The following AMY2B variants were observed in gnomAD, a reference collection of about 807,000 sequenced individuals.
AMY2B encodes the protein amylase alpha 2B.
A neutral mutation model predicts 59.3 loss-of-function variants in AMY2B; 63 were observed. That is an observed-to-expected ratio of 1.06 (90% CI 0.87 to 1.31). The LOEUF is 1.31. Among genes scored for constraint, AMY2B ranks in the 50% most tolerant of loss-of-function variants. The pLI is 0.00. For synonymous variants in AMY2B, 180 were observed against 198.1 expected, an observed-to-expected ratio of 0.91 and a Z score of 0.77; for missense variants, 635 against 626.7, an observed-to-expected ratio of 1.01 and a Z score of -0.14.
rs1444956770 is a variant in AMY2B, at chr1:103,577,732, T to A, written c.1233T>A (p.Asn411Lys). The A allele has an allele frequency of 1.2e-6, 2 of 1,611,486 alleles. No homozygotes were observed. The highest frequency in any genetic ancestry group is 1.7e-6 in the Non-Finnish European group (2 of 1,179,792). ...HRWRQIRNMV[N>K]FRNVVDGQPF... The stretch of plus-strand genomic sequence containing the variant: ...ATTGTGTTTTTAGGAACATGGTTAA[T>A]TTCCGCAATGTAGTGGATGGCCAGC... The change falls in exon 9 of 10, where the codon AAT becomes AAA. Residue 411 changes from asparagine to lysine, a missense_variant. Transcript: ENST00000684275.
intron 1 of AMY2B, among the ~76,000 whole-genome samples, chr1:103,556,811 A>C (rs1354303312): frequency 6.6e-6 from 1 of 152,002 alleles, no homozygotes; most frequent in Non-Finnish European, 1.5e-5. Flanking sequence ...TGCTTTTTGT[A>C]ATTATTTTAT....
At position 103,579,375 on chromosome 1, in the gene AMY2B, G is replaced by C. The variant is rs1652484724; in HGVS notation, c.1411G>C (p.Asp471His). ...AGTYCDVISG[D>H]KINGNCTGIK... ...CACATACTGTGATGTCATTTCTGGA[G>C]ATAAAATTAATGGCAATTGCACAGG... The change falls in exon 10 of 10, where the codon GAT (aspartate) becomes CAT (histidine). Residue 471 changes from aspartate (D) to histidine (H), a missense_variant. Physicochemically the swap from Asp to His is moderately conservative, Grantham distance 81 (BLOSUM62 -1). Transcript: ENST00000684275. 6.2e-7 allele frequency: 1 copy of C among 1,611,616 alleles called. No individual in the cohort carries two copies. Among genetic ancestry groups the C allele is most frequent in the Non-Finnish European group, 8.5e-7 (1 of 1,179,716 alleles).
At chr1:103,558,405 T>A (rs550288391) in intron 1 of AMY2B, among the ~76,000 whole-genome samples, 6 of 152,270 alleles carry the variant, frequency 3.9e-5, no homozygotes, top group African/African-American at 1.4e-4. Context: ...TTTTCATATT[T>A]CCATTAGGAT....
intron 3 of AMY2B, 50 bp from the exon 4 acceptor site, chr1:103,573,658 T>C (rs142643546): frequency 6.2e-7 from 1 of 1,607,632 alleles, no homozygotes; most frequent in East Asian, 2.2e-5. Flanking sequence ...TGGATTCTCA[T>C]GTGAAAAATG....
intron 4 of AMY2B, 142 bp downstream of exon 4, chr1:103,574,080 C>G (rs1652247878): frequency 6.6e-7 from 1 of 1,508,294 alleles, no homozygotes; most frequent in African/African-American, 1.4e-5. Flanking sequence ...TCTTCACATA[C>G]AGCATATCTA....
At chr1:103,576,353 GCTTTAA>G (rs1230476280) in intron 7 of AMY2B, among the ~76,000 whole-genome samples, 1 of 152,094 alleles carries the variant, frequency 6.6e-6, no homozygotes, top group African/African-American at 2.4e-5. Context: ...TTGTTAAACA[GCTTTAA>G]TATTTAGGTG....
At chr1:103,570,525 A>G (rs138520891), upstream of AMY2B, 5,141 of 617,854 alleles carry the variant, frequency 8.3e-3, 37 homozygotes, top group South Asian at 0.017. Context: ...CACCATGAAG[A>G]TCAAGATGAT....
chr1:103,557,936 A>C (rs1306047912), intron 1 of AMY2B, among the ~76,000 whole-genome samples: 1 of 152,192 alleles, frequency 6.6e-6, no homozygotes, highest in East Asian at 1.9e-4. Context: ...TGGAGGTGAG[A>C]AGCTCTATAT....
intron 1 of AMY2B, among the ~76,000 whole-genome samples, chr1:103,560,319 T>C (rs898312733): frequency 6.6e-6 from 1 of 152,170 alleles, no homozygotes; most frequent in Non-Finnish European, 1.5e-5. Context: ...TCAAACATTT[T>C]TAATTATAAA....
intron 4 of AMY2B, 131 bp downstream of exon 4, chr1:103,574,069 C>CTCT: frequency 1.3e-6 from 2 of 1,532,460 alleles, no homozygotes; most frequent in Non-Finnish European, 1.8e-6. Flanking sequence ...CTTTAACCTC[C>CTCT]TCTTCACATA....
rs766121724 is a variant in AMY2B at position 103,575,560 on chromosome 1, A to C, written c.1101+20A>C. On this transcript the variant is annotated intron_variant, in intron 7 of 9. Transcript: ENST00000684275. The stretch of plus-strand genomic sequence containing the variant: ...GGAAACGTAAGTTTTGAAATTGTTC[A>C]AACTATCCTTTTCTCAAGAAACAGA... 6 of 1,612,208 alleles carry C rather than the reference A, an allele frequency of 3.7e-6. No individual in the cohort carries two copies. In the East Asian group the frequency reaches 1.3e-4, roughly 36 times the overall value.
Position 103,579,409 on chromosome 1 carries a change from T to A in AMY2B, c.1445T>A (p.Ile482Asn). The A allele has an allele frequency of 5.6e-6, 9 of 1,611,840 alleles. No individual in the cohort carries two copies. Among genetic ancestry groups the A allele is most frequent in the Non-Finnish European group, 7.6e-6 (9 of 1,179,734 alleles). The change falls in exon 10 of 10, where the codon ATC (isoleucine) becomes AAC (asparagine). Residue 482 changes from isoleucine to asparagine, a missense_variant. By Grantham distance (149) the Ile-to-Asn change is moderately radical (BLOSUM62 -3). Coordinates refer to ENST00000684275, the MANE Select transcript of AMY2B (RefSeq NM_001387437.1). ...AATGGCAATTGCACAGGCATTAAAATCTACGTTTCTGACGATGGCAAAGCT... is the reference window on the plus strand; with the variant it reads ...AATGGCAATTGCACAGGCATTAAAAACTACGTTTCTGACGATGGCAAAGCT... Reference protein sequence around the residue: ...KINGNCTGIKIYVSDDGKAHF... With the variant: ...KINGNCTGIKNYVSDDGKAHF...
chr1:103,563,891 G>T (rs1651820617), intron 1 of AMY2B, among the ~76,000 whole-genome samples: 1 of 152,082 alleles, frequency 6.6e-6, no homozygotes, highest in Non-Finnish European at 1.5e-5. Flanking sequence ...AAATATTGGT[G>T]ATTCTTTTTC....
chr1:103,569,889 A>C (rs1033076651), upstream of AMY2B: 1 of 461,210 alleles, frequency 2.2e-6, no homozygotes, highest in African/African-American at 2.0e-5. Context: ...CTGAACCTCA[A>C]GGCCAACAGA....
chr1:103,579,375 G>A lies in AMY2B; in HGVS notation c.1411G>A (p.Asp471Asn). 2 of 1,611,734 alleles carry A rather than the reference G, an allele frequency of 1.2e-6. No individual in the cohort carries two copies. Among genetic ancestry groups the A allele is most frequent in the Non-Finnish European group, 1.7e-6 (2 of 1,179,708 alleles). Reference protein sequence around the residue: ...AGTYCDVISGDKINGNCTGIK... With the variant: ...AGTYCDVISGNKINGNCTGIK... ...CACATACTGTGATGTCATTTCTGGAGATAAAATTAATGGCAATTGCACAGG... is the reference window on the plus strand; with the variant it reads ...CACATACTGTGATGTCATTTCTGGAAATAAAATTAATGGCAATTGCACAGG... The change falls in exon 10 of 10, where the codon GAT (aspartate) becomes AAT (asparagine). Residue 471 changes from aspartate (D) to asparagine (N), a missense_variant. Coordinates refer to ENST00000684275, the MANE Select transcript of AMY2B (RefSeq NM_001387437.1).
At chr1:103,570,361 T>C, upstream of AMY2B, 1 of 739,966 alleles carries the variant, frequency 1.4e-6, no homozygotes, top group Admixed American at 1.8e-5. Context: ...ACATGGAATC[T>C]TGTGGCATCC....
upstream of AMY2B, chr1:103,570,454 G>T (rs1159007069): frequency 3.2e-5 from 24 of 751,888 alleles, no homozygotes; most frequent in Admixed American, 4.0e-4. Flanking sequence ...CTATCTGGTG[G>T]CAACATGTAC....
chr1:103,567,655 C>A (rs1651955713), upstream of AMY2B, among the ~76,000 whole-genome samples: 1 of 152,112 alleles, frequency 6.6e-6, no homozygotes, highest in Non-Finnish European at 1.5e-5. Context: ...GGTTTCTTCC[C>A]AGAAGCAGGG....
intron 1 of AMY2B, among the ~76,000 whole-genome samples, chr1:103,559,530 A>G (rs1421547327): frequency 6.6e-6 from 1 of 152,238 alleles, no homozygotes; most frequent in East Asian, 1.9e-4. Context: ...ATTCATGATT[A>G]CTTAGATTTA....
Sources: gnomAD v4.1 joint callset for allele counts (sites outside exome capture counted in the v4.1 genomes callset) on GRCh38, gnomAD v4.1.1 for gene constraint, MANE v1.5 for transcripts, NCBI Gene and HGNC (gene_info 2026-07-23, HGNC 2026-07-21) for gene names.